Variants in CMTR1 observed in about 807,000 individuals in gnomAD.
CMTR1 encodes the protein cap methyltransferase 1.
Under a neutral mutation model 107.0 loss-of-function variants are expected in CMTR1, and 39 were observed. The ratio of observed to expected loss-of-function variants is 0.36; its 90% confidence interval spans 0.28 to 0.48. CMTR1 has a LOEUF of 0.48. Ranked by LOEUF, CMTR1 falls within the 20% of genes least tolerant of loss-of-function variation. CMTR1 has a pLI of 0.99. For synonymous variants in CMTR1, 366 were observed against 379.5 expected, an observed-to-expected ratio of 0.96 and a Z score of 0.41; for missense variants, 672 against 1,064.9, an observed-to-expected ratio of 0.63 and a Z score of 5.14.
At chr6:37,435,008 T>C (rs1196171949) in intron 1 of CMTR1, among the ~76,000 whole-genome samples, 1 of 152,224 alleles carries the variant, frequency 6.6e-6, no homozygotes, top group Non-Finnish European at 1.5e-5. Context: ...TCCCAATAAC[T>C]TTCCCGCTCT....
chr6:37,424,701 A>G, the CMTR1 span, among the ~76,000 whole-genome samples: 3 of 152,316 alleles, frequency 2.0e-5, no homozygotes, highest in Non-Finnish European at 2.9e-5. Flanking sequence ...GCCATCTCTC[A>G]CATCATATAA....
intron 13 of CMTR1, among the ~76,000 whole-genome samples, 196 bp downstream of exon 13, chr6:37,463,204 C>G (rs1329351596): frequency 6.6e-6 from 1 of 152,178 alleles, no homozygotes; most frequent in Non-Finnish European, 1.5e-5. Flanking sequence ...CTGCCATGCC[C>G]TATCCCAAGG....
At chr6:37,465,222 G>A (rs924882831) in intron 13 of CMTR1, among the ~76,000 whole-genome samples, 5 of 151,392 alleles carry the variant, frequency 3.3e-5, no homozygotes, top group African/African-American at 9.7e-5. Flanking sequence ...AGCCGAGATC[G>A]CGCCATCGTA....
chr6:37,446,552 G>A, intron 4 of CMTR1, 103 bp downstream of exon 4: 1 of 1,345,596 alleles, frequency 7.4e-7, no homozygotes, highest in Non-Finnish European at 1.0e-6. Context: ...GAGGCAGTAT[G>A]AGCAAAGTGG....
At chr6:37,440,219 T>C (rs1438540490) in intron 2 of CMTR1, among the ~76,000 whole-genome samples, 1 of 152,098 alleles carries the variant, frequency 6.6e-6, no homozygotes, top group Non-Finnish European at 1.5e-5. Context: ...AACTAATGAG[T>C]TTAATAGACT....
chr6:37,447,330 C>T (rs1221222026), intron 4 of CMTR1, among the ~76,000 whole-genome samples: 4 of 152,146 alleles, frequency 2.6e-5, no homozygotes, highest in African/African-American at 4.8e-5. Flanking sequence ...AAGATTCTGA[C>T]GAGTGAGGGG....
Position 37,476,206 on chromosome 6 carries a change from G to A in CMTR1, c.2105+12G>A, listed in dbSNP as rs1193507928. The A allele has an allele frequency of 3.7e-6, 6 of 1,613,768 alleles. No individual in the cohort carries two copies. The highest frequency in any genetic ancestry group is 3.3e-4 in the Middle Eastern group (2 of 6,080). On this transcript the variant is annotated intron_variant, in intron 20 of 23. Coordinates refer to ENST00000373451, the MANE Select transcript of CMTR1 (RefSeq NM_015050.3). Reference sequence around the variant, plus strand: ...ATGAATCCCATCAGGTGAGCATGTGGTCCCTACCCTCCATGCTTCTTTCTG... The same window carrying A: ...ATGAATCCCATCAGGTGAGCATGTGATCCCTACCCTCCATGCTTCTTTCTG...
At position 37,472,435 on chromosome 6, in the gene CMTR1, G is replaced by A. The variant is rs774529394; in HGVS notation, c.1637G>A (p.Arg546His). The change falls in exon 16 of 24, where the codon CGT (arginine) becomes CAT (histidine). Residue 546 changes from arginine (R) to histidine (H), a missense_variant. By Grantham distance (29) the Arg-to-His change is conservative. Transcript: ENST00000373451. The surrounding 1 kb of genome is among the most constrained non-coding windows in gnomAD (Gnocchi z 4.1). Reference sequence around the variant, plus strand: ...TTATTTCAGATCCCAGACCAGGCTCGTGTGGCTCCTTCTTCCTCCGACCCT... The same window carrying A: ...TTATTTCAGATCCCAGACCAGGCTCATGTGGCTCCTTCTTCCTCCGACCCT... ...LRLWGIPDQA[R>H]VAPSSSDPKS... 2.5e-6 allele frequency: 4 copies of A among 1,614,206 alleles called. No homozygotes were observed. Among genetic ancestry groups the A allele is most frequent in the East Asian group, 2.2e-5 (1 of 44,888 alleles).
chr6:37,459,387 GT>G (rs1761358333), intron 9 of CMTR1, among the ~76,000 whole-genome samples, 178 bp from the exon 10 acceptor site: 1 of 152,222 alleles, frequency 6.6e-6, no homozygotes, highest in Admixed American at 6.5e-5. Flanking sequence ...TTGGGACTGT[GT>G]TTCATTATAG....
chr6:37,471,077 C>T lies in CMTR1; in HGVS notation c.1562C>T (p.Thr521Met), dbSNP rs748913626. Residue 521 changes from threonine (T) to methionine (M), a missense_variant and splice_region_variant, in exon 14 of 24, where the codon ACG (threonine) becomes ATG (methionine). Physicochemically the swap from Thr to Met is moderately conservative, Grantham distance 81. Coordinates refer to ENST00000373451, the MANE Select transcript of CMTR1 (RefSeq NM_015050.3). The stretch of plus-strand genomic sequence containing the variant: ...AAAATCCATGCCTTTGTTCAAGACA[C>T]GTGAGTGTTGCCCACTTTTCAGAAA... ...LAKIHAFVQDTTLSEPRQAEI... is the reference protein window; with the variant it reads ...LAKIHAFVQDMTLSEPRQAEI... 6.2e-6 allele frequency: 10 copies of T among 1,601,594 alleles called. No homozygotes were observed. The highest frequency in any genetic ancestry group is 1.7e-4 in the Middle Eastern group (1 of 6,020).
At chr6:37,470,798 T>C (rs1222392342) in intron 13 of CMTR1, among the ~76,000 whole-genome samples, 1 of 152,168 alleles carries the variant, frequency 6.6e-6, no homozygotes, top group African/African-American at 2.4e-5. Flanking sequence ...TAGTAGGACT[T>C]GGGATCTAAG....
intron 4 of CMTR1, among the ~76,000 whole-genome samples, chr6:37,449,865 A>T (rs576732582): frequency 6.6e-6 from 1 of 152,338 alleles, no homozygotes; most frequent in Admixed American, 6.5e-5. Flanking sequence ...CCTACATTGT[A>T]TGCGATAACT....
chr6:37,455,541 T>C (rs915869351), intron 8 of CMTR1, among the ~76,000 whole-genome samples: 36 of 152,214 alleles, frequency 2.4e-4, no homozygotes, highest in African/African-American at 8.4e-4. Context: ...TATAAACTGT[T>C]ACATTATGTC....
At chr6:37,452,899 GC>G (rs1761213621) in intron 6 of CMTR1, 147 bp from the exon 7 acceptor site, 1 of 692,156 alleles carries the variant, frequency 1.4e-6, no homozygotes, top group Admixed American at 2.5e-5. Context: ...TTATTGAGCA[GC>G]CTGTGTAGGG....
Position 37,435,771 on chromosome 6 carries a change from G to C in CMTR1, c.133+9G>C. The C allele has an allele frequency of 6.3e-7, 1 of 1,581,276 alleles. No individual in the cohort carries two copies. The highest frequency in any genetic ancestry group is 1.2e-5 in the South Asian group (1 of 85,180). ...CAGTCATGGAGCAAAAGGTACGTGT[G>C]CTTGTGTGGTCTGAGGCCACTGGCC... On this transcript the variant is annotated intron_variant, in intron 2 of 23. Transcript: ENST00000373451.
intron 3 of CMTR1, among the ~76,000 whole-genome samples, chr6:37,445,201 C>T (rs1302115180): frequency 6.6e-6 from 1 of 152,130 alleles, no homozygotes; most frequent in East Asian, 1.9e-4. Context: ...CCTGTTTGAC[C>T]TGGGAGAAGT....
At chr6:37,425,299 C>CTA in the CMTR1 span, among the ~76,000 whole-genome samples, 1 of 139,700 alleles carries the variant, frequency 7.2e-6, no homozygotes, top group East Asian at 2.1e-4. Flanking sequence ...TAAATTCTTT[C>CTA]TTTTTTTTTT....
At chr6:37,448,706 A>G (rs900650582) in intron 4 of CMTR1, among the ~76,000 whole-genome samples, 1 of 152,164 alleles carries the variant, frequency 6.6e-6, no homozygotes, top group Non-Finnish European at 1.5e-5. Context: ...CATTGCTTCA[A>G]TTTGCAATGG....
intron 2 of CMTR1, among the ~76,000 whole-genome samples, chr6:37,441,351 C>T (rs78375037): frequency 0.02 from 3,063 of 152,190 alleles, 86 homozygotes; most frequent in African/African-American, 0.067. Flanking sequence ...GGAAAGGAAC[C>T]AACCTCTTCC....
Sources: gnomAD v4.1 joint callset for allele counts (sites outside exome capture counted in the v4.1 genomes callset) on GRCh38, gnomAD v4.1.1 for gene constraint, Gnocchi (gnomAD v3.1) non-coding constraint, MANE v1.5 for transcripts, NCBI Gene and HGNC (gene_info 2026-07-23, HGNC 2026-07-21) for gene names.